Variants in SASH1 observed in about 807,000 individuals in gnomAD.
The protein encoded by SASH1 is SAM and SH3 domain-containing protein 1.
A neutral mutation model predicts 125.2 loss-of-function variants in SASH1; 44 were observed. The observed-to-expected ratio is 0.35, with a 90% CI of 0.28 to 0.45. The LOEUF (loss-of-function observed/expected upper bound fraction) is 0.45, where lower values mean the gene tolerates loss of function less well. Among genes scored for constraint, SASH1 ranks in the 20% least tolerant of loss-of-function variants. The pLI is 1.00. For missense variants in SASH1, 1,426 were observed against 1,614.5 expected (o/e 0.88, Z 2.00); for synonymous variants, 639 against 649.1 (o/e 0.98, Z 0.24).
chr6:148,476,618 C>T (rs1234034162), intron 7 of SASH1, among the ~76,000 whole-genome samples: 1 of 151,962 alleles, frequency 6.6e-6, no homozygotes, highest in Non-Finnish European at 1.5e-5. Flanking sequence ...AGGCGGAGGT[C>T]GCAGTAAGCC....
rs758313300 is a variant in SASH1 at position 148,544,524 on chromosome 6, C to G, written c.3054C>G (p.Cys1018Trp). The change falls in exon 18 of 20, where the codon TGC (cysteine) becomes TGG (tryptophan). Residue 1018 changes from cysteine (C) to tryptophan (W), a missense_variant. By Grantham distance (215) the Cys-to-Trp change is radical. Transcript: ENST00000367467. This position sits in a 1 kb window ranked among gnomAD's most constrained non-coding sequence, Gnocchi z 6.4. ...SGALPSPDAP[C>W]LPVKRGSPAS... ...CCCTCCCCAGTCCCGATGCGCCATG[C>G]CTGCCAGTGAAAAGGGGCAGCCCCG... The G allele has an allele frequency of 6.2e-7, 1 of 1,613,188 alleles. No homozygotes were observed. The highest frequency in any genetic ancestry group is 8.5e-7 in the Non-Finnish European group (1 of 1,180,008).
chr6:148,464,679 A>G (rs1413043841), intron 4 of SASH1, among the ~76,000 whole-genome samples: 1 of 152,210 alleles, frequency 6.6e-6, no homozygotes, highest in Admixed American at 6.5e-5. Flanking sequence ...TCAAGGAGAA[A>G]GGAGATGGCA....
At chr6:148,461,267 A>G (rs1373931975) in intron 4 of SASH1, among the ~76,000 whole-genome samples, 2 of 152,142 alleles carry the variant, frequency 1.3e-5, no homozygotes, top group Admixed American at 1.3e-4. Context: ...TGGTTTTGGT[A>G]TTGCAGACAC....
chr6:148,281,908 C>T (rs1463750070), intron 1 of SASH1, among the ~76,000 whole-genome samples: 2 of 138,228 alleles, frequency 1.4e-5, no homozygotes, highest in African/African-American at 2.8e-5. Context: ...GGCGACAGAG[C>T]GAGACTCCGT....
intron 1 of SASH1, chr6:148,278,912 A>G (rs1053134059): frequency 6.6e-6 from 1 of 152,172 alleles, no homozygotes; most frequent in African/African-American, 2.4e-5. Flanking sequence ...AATATAGAAC[A>G]CTAAAATGAA....
At chr6:148,393,041 A>ATT (rs11368073) in intron 2 of SASH1, among the ~76,000 whole-genome samples, 7 of 78,110 alleles carry the variant, frequency 9.0e-5, no homozygotes, top group Admixed American at 1.6e-4. Flanking sequence ...GAATGTTTCA[A>ATT]TTTTTTTTTT....
At chr6:148,194,901 G>A in the SASH1 span, among the ~76,000 whole-genome samples, 6 of 151,996 alleles carry the variant, frequency 3.9e-5, no homozygotes, top group South Asian at 2.1e-4. Context: ...GCGAGACTCC[G>A]TCTCAAAACA....
intron 1 of SASH1, among the ~76,000 whole-genome samples, chr6:148,363,951 T>A (rs1360986947): frequency 6.6e-6 from 1 of 152,196 alleles, no homozygotes; most frequent in African/African-American, 2.4e-5. Flanking sequence ...GGGACATACA[T>A]TCTAAAAAGT....
chr6:148,380,878 C>T (rs1338491873), intron 1 of SASH1, among the ~76,000 whole-genome samples: 1 of 152,160 alleles, frequency 6.6e-6, no homozygotes, highest in Non-Finnish European at 1.5e-5. Flanking sequence ...AAACTAATGG[C>T]CACACTTTGC....
intron 1 of SASH1, among the ~76,000 whole-genome samples, chr6:148,298,807 G>GA (rs147986016): frequency 0.44 from 60,359 of 136,028 alleles, 13,878 homozygotes; most frequent in African/African-American, 0.56. Flanking sequence ...AAAAGAGAAA[G>GA]AAAAAAGAGA....
At chr6:148,390,643 C>A (rs1783666457) in intron 2 of SASH1, among the ~76,000 whole-genome samples, 1 of 151,986 alleles carries the variant, frequency 6.6e-6, no homozygotes, top group Non-Finnish European at 1.5e-5. Context: ...AAAAAATTAG[C>A]CGGGCGTGGT....
the SASH1 span, among the ~76,000 whole-genome samples, chr6:148,197,174 T>C: frequency 6.6e-6 from 1 of 152,210 alleles, no homozygotes; most frequent in Non-Finnish European, 1.5e-5. Flanking sequence ...CTGAAGATTC[T>C]AGAGGCTGGT....
At chr6:148,512,363 A>G (rs531954172) in intron 8 of SASH1, 1 of 498,708 alleles carries the variant, frequency 2.0e-6, no homozygotes, top group South Asian at 8.7e-5. Flanking sequence ...GACTTTCTAT[A>G]ACATAATGTT....
At chr6:148,430,341 GT>G (rs1365114709) in intron 2 of SASH1, among the ~76,000 whole-genome samples, 1 of 152,134 alleles carries the variant, frequency 6.6e-6, no homozygotes, top group African/African-American at 2.4e-5. Context: ...TGTGGATTTC[GT>G]TTTGTTTTAG....
intron 2 of SASH1, among the ~76,000 whole-genome samples, chr6:148,431,914 C>T (rs562871131): frequency 2.6e-5 from 4 of 151,946 alleles, no homozygotes; most frequent in African/African-American, 9.7e-5. Flanking sequence ...TCATATGGAC[C>T]CATTTGTCAT....
At chr6:148,521,390 G>A (rs1780800626) in intron 10 of SASH1, among the ~76,000 whole-genome samples, 1 of 152,206 alleles carries the variant, frequency 6.6e-6, no homozygotes, top group Admixed American at 6.5e-5. Context: ...GACGATCAGT[G>A]TAATTTAAAT....
chr6:148,223,848 T>C, the SASH1 span, among the ~76,000 whole-genome samples: 4 of 152,218 alleles, frequency 2.6e-5, no homozygotes, highest in African/African-American at 9.6e-5. Context: ...AAAACATTCT[T>C]GTTGCATTTG....
upstream of SASH1, among the ~76,000 whole-genome samples, chr6:148,267,365 T>TTGTGTGTG (rs200228547): frequency 0.02 from 2,640 of 130,062 alleles, 94 homozygotes; most frequent in African/African-American, 0.06. Flanking sequence ...CAGTACTACT[T>TTGTGTGTG]TGTGTGTGTG....
chr6:148,290,969 C>A (rs1388304118), intron 1 of SASH1, among the ~76,000 whole-genome samples: 5 of 147,998 alleles, frequency 3.4e-5, no homozygotes, highest in Non-Finnish European at 7.4e-5. Flanking sequence ...GGCATCTTTT[C>A]TTAATGCCTG....
Sources: gnomAD v4.1 joint callset for allele counts (sites outside exome capture counted in the v4.1 genomes callset) on GRCh38, gnomAD v4.1.1 for gene constraint, Gnocchi (gnomAD v3.1) non-coding constraint, MANE v1.5 for transcripts, NCBI Gene and HGNC (gene_info 2026-07-23, HGNC 2026-07-21) for gene names.